IL1R1: variants seen among roughly 807,000 people sequenced by gnomAD.
IL1R1 encodes interleukin-1 receptor type 1.
A neutral mutation model predicts 50.2 loss-of-function variants in IL1R1; 22 were observed. The observed-to-expected ratio is 0.44, with a 90% CI of 0.31 to 0.63. IL1R1 has a LOEUF of 0.63. IL1R1 is among the 20% of genes least tolerant of loss of function. IL1R1 has a pLI of 0.07. For synonymous variants in IL1R1, 251 were observed against 236.7 expected (o/e 1.06, Z -0.55); for missense variants, 509 against 676.2 (o/e 0.75, Z 2.74).
In IL1R1 at chr2:102,087,039, CT is replaced by C. The variant is rs773131117; in HGVS notation, c.-84+16516del. On this transcript the variant is annotated intron_variant, in intron 1 of 11. Transcript: ENST00000409929. ...ATTGCAATAAAGCAAGTCACAATTT[CT>C]TTTTTTTTTGGTTACCCATTGCATG... Among the ~76,000 whole-genome samples, 1,232 of 148,004 alleles carry C rather than the reference CT, an allele frequency of 8.3e-3. 13 individuals carry two copies. The highest frequency in any genetic ancestry group is 0.029 in the African/African-American group (1,166 of 40,488).
At chr2:102,089,686 A>G (rs1679575553) in intron 1 of IL1R1, among the ~76,000 whole-genome samples, 1 of 152,160 alleles carries the variant, frequency 6.6e-6, no homozygotes, top group Admixed American at 6.5e-5. Context: ...GTTGTCTTCT[A>G]GTTTTCACTG....
chr2:102,117,007 G>A (rs1057428219), intron 1 of IL1R1, among the ~76,000 whole-genome samples: 11 of 152,164 alleles, frequency 7.2e-5, no homozygotes, highest in African/African-American at 2.7e-4. Flanking sequence ...ATAATAAAAG[G>A]TAACACTTAA....
At chr2:102,097,723 A>G (rs145026569) in intron 1 of IL1R1, among the ~76,000 whole-genome samples, 14 of 152,216 alleles carry the variant, frequency 9.2e-5, no homozygotes, top group East Asian at 7.7e-4. Context: ...CTCATATAAT[A>G]TTAAATATTT....
chr2:102,108,793 A>G (rs1396455098), intron 1 of IL1R1, among the ~76,000 whole-genome samples: 2 of 152,024 alleles, frequency 1.3e-5, no homozygotes, highest in African/African-American at 4.8e-5. Context: ...GAAAATGGAG[A>G]ACCCTGTCTT....
intron 1 of IL1R1, among the ~76,000 whole-genome samples, chr2:102,106,087 T>C (rs1054831376): frequency 6.6e-6 from 1 of 152,234 alleles, no homozygotes; most frequent in Admixed American, 6.5e-5. Flanking sequence ...TTATTGCTCA[T>C]GCAAAATGTG....
In IL1R1 at chr2:102,075,548, T is replaced by C. The variant is rs527550983; in HGVS notation, c.-84+5015T>C. On this transcript the variant is annotated intron_variant, in intron 1 of 11. Transcript: ENST00000409929. ...TCCAAGGAGATTAGATTTCTACTTT[T>C]AGAATTCTTCATACAAATACACATA... Among the ~76,000 whole-genome samples, 4 of 152,362 alleles carry C rather than the reference T, an allele frequency of 2.6e-5. No individual in the cohort carries two copies. In the East Asian group the frequency reaches 5.8e-4, roughly 22 times the overall value.
At chr2:102,158,560 G>A (rs1684415576) in intron 3 of IL1R1, among the ~76,000 whole-genome samples, 1 of 152,208 alleles carries the variant, frequency 6.6e-6, no homozygotes, top group African/African-American at 2.4e-5. Flanking sequence ...ATGTGCAAAG[G>A]CCCAGAGGCC....
chr2:102,094,172 A>G (rs1388325210), intron 1 of IL1R1, among the ~76,000 whole-genome samples: 1 of 152,232 alleles, frequency 6.6e-6, no homozygotes, highest in Non-Finnish European at 1.5e-5. Flanking sequence ...TAAATGTGAA[A>G]TAATTCTGAG....
intron 1 of IL1R1, among the ~76,000 whole-genome samples, chr2:102,106,590 A>C (rs1680426357): frequency 6.6e-6 from 1 of 152,228 alleles, no homozygotes; most frequent in South Asian, 2.1e-4. Context: ...CTCATTGTCA[A>C]GAATAAAATT....
At chr2:102,079,291 A>C (rs1370278672) in intron 1 of IL1R1, among the ~76,000 whole-genome samples, 1 of 152,142 alleles carries the variant, frequency 6.6e-6, no homozygotes, top group Non-Finnish European at 1.5e-5. Context: ...GAAGAAATAA[A>C]ATTCATATTG....
At chr2:102,133,136 A>G (rs1355665700) in intron 1 of IL1R1, among the ~76,000 whole-genome samples, 1 of 150,648 alleles carries the variant, frequency 6.6e-6, no homozygotes, top group Non-Finnish European at 1.5e-5. Context: ...CCCAGCTACT[A>G]GGGAGGCTGA....
At position 102,123,936 on chromosome 2, in the gene IL1R1, G is replaced by A. The variant is rs544035548; in HGVS notation, c.-84+19064G>A. 1.3e-3 allele frequency among the ~76,000 whole-genome samples: 198 copies of A among 152,226 alleles called. 1 individual carries two copies. Among genetic ancestry groups the A allele is most frequent in the African/African-American group, 4.5e-3 (188 of 41,540 alleles). ...ATTAGGAAGGAGATGGTGAACAAGA[G>A]GGAGAAGGAGAGAGGTGAAAGGGAT... is the stretch of plus-strand genomic sequence containing the variant. On this transcript the variant is annotated intron_variant, in intron 1 of 10. Coordinates refer to the IL1R1 transcript ENST00000409329.
upstream of IL1R1, among the ~76,000 whole-genome samples, chr2:102,104,213 A>G (rs180973557): frequency 1.8e-4 from 27 of 152,228 alleles, no homozygotes; most frequent in Admixed American, 1.2e-3. Context: ...AGCATCTGGG[A>G]CACGAGCAGA....
chr2:102,086,647 A>T (rs1246184471), intron 1 of IL1R1, among the ~76,000 whole-genome samples: 1 of 152,086 alleles, frequency 6.6e-6, no homozygotes, highest in Admixed American at 6.5e-5. Flanking sequence ...TAAAAAACTC[A>T]CTAGTTCTTT....
At chr2:102,108,016 G>T (rs186873238) in intron 1 of IL1R1, among the ~76,000 whole-genome samples, 4 of 152,212 alleles carry the variant, frequency 2.6e-5, no homozygotes, top group Non-Finnish European at 5.9e-5. Flanking sequence ...CACCTCACAA[G>T]ATTGTACTGG....
rs991844335 is a variant in IL1R1, at chr2:102,179,393, A to G, written c.*2634A>G. 1 of 152,302 alleles carries G rather than the reference A, an allele frequency of 6.6e-6. No homozygotes were observed. The highest frequency in any genetic ancestry group is 1.9e-4 in the East Asian group (1 of 5,326). 9.4% of individuals were successfully genotyped at this position (152,302 alleles called of 1,614,324 possible). ...ACAGAAAAGTGCAAAGTTATTCCCC[A>G]TCTTCCAAGGGTTGAATTCTGGAGG... On this transcript the variant is annotated 3_prime_UTR_variant, in exon 12 of 12. Transcript: ENST00000410023.
chr2:102,137,697 G>A (rs1682422817), intron 1 of IL1R1, among the ~76,000 whole-genome samples: 1 of 152,198 alleles, frequency 6.6e-6, no homozygotes, highest in East Asian at 1.9e-4. Context: ...GGTTGAAATT[G>A]TTTGAACAAG....
chr2:102,108,715 T>C (rs1157053147), intron 1 of IL1R1, among the ~76,000 whole-genome samples: 1 of 152,160 alleles, frequency 6.6e-6, no homozygotes, highest in Non-Finnish European at 1.5e-5. Flanking sequence ...TCTCAGTTTC[T>C]ATTGAGTAAA....
upstream of IL1R1, among the ~76,000 whole-genome samples, chr2:102,138,071 TG>T (rs1403477935): frequency 2.0e-5 from 3 of 152,190 alleles, no homozygotes; most frequent in African/African-American, 7.2e-5. Flanking sequence ...TGGCATATGA[TG>T]GAGAACAGAG....
Sources: allele counts gnomAD v4.1 joint callset (sites outside exome capture counted in the v4.1 genomes callset), GRCh38; gene constraint gnomAD v4.1.1; transcripts MANE v1.5; gene names NCBI Gene and HGNC (gene_info 2026-07-23, HGNC 2026-07-21).